The following UGT1A8 variants were observed in gnomAD, a reference collection of about 807,000 sequenced individuals.
UGT1A8 encodes UDP-glucuronosyltransferase 1A8.
Under a neutral mutation model 45.3 loss-of-function variants are expected in UGT1A8, and 39 were observed. That is an observed-to-expected ratio of 0.86 (90% CI 0.67 to 1.12). The LOEUF (loss-of-function observed/expected upper bound fraction) is 1.12. Among genes scored for constraint, UGT1A8 ranks in the 50% most tolerant of loss-of-function variants. The pLI is 0.00. For missense variants in UGT1A8, 719 were observed against 664.9 expected (o/e 1.08, Z -0.90); for synonymous variants, 275 against 249.2 (o/e 1.10, Z -0.97).
intron 1 of UGT1A8, among the ~76,000 whole-genome samples, chr2:233,733,322 C>A (rs1174900134): frequency 6.6e-6 from 1 of 152,146 alleles, no homozygotes; most frequent in African/African-American, 2.4e-5. Context: ...CCTGATTGCC[C>A]TGGCCAGAAC....
chr2:233,679,713 CA>C (rs1158480867), intron 1 of UGT1A8, among the ~76,000 whole-genome samples: 1 of 152,142 alleles, frequency 6.6e-6, no homozygotes, highest in African/African-American at 2.4e-5. Flanking sequence ...GTTATCTGGA[CA>C]ATTTTAAAGC....
Position 233,663,292 on chromosome 2 carries a change from T to C in UGT1A8, c.855+44730T>C, listed in dbSNP as rs28970001. Reference sequence around the variant, plus strand: ...TGGTAGACCGGAGTTTTATTATTACTCAAATCAGTCTCCCCAAGCAATTTG... The same window carrying C: ...TGGTAGACCGGAGTTTTATTATTACCCAAATCAGTCTCCCCAAGCAATTTG... On this transcript the variant is annotated intron_variant, in intron 1 of 4. Coordinates refer to ENST00000373450, the MANE Select transcript of UGT1A8 (RefSeq NM_019076.5). 2.8e-3 allele frequency among the ~76,000 whole-genome samples: 426 copies of C among 152,352 alleles called. 3 individuals are homozygous for C. The highest frequency in any genetic ancestry group is 9.7e-3 in the African/African-American group (403 of 41,572).
chr2:233,709,412 A>G (rs2076075448), intron 1 of UGT1A8, among the ~76,000 whole-genome samples: 1 of 152,214 alleles, frequency 6.6e-6, no homozygotes, highest in African/African-American at 2.4e-5. Flanking sequence ...TGAACACTCA[A>G]TAAGAATGTC....
chr2:233,762,168 C>A (rs986737504), intron 1 of UGT1A8, among the ~76,000 whole-genome samples: 2 of 152,090 alleles, frequency 1.3e-5, no homozygotes, highest in African/African-American at 2.4e-5. Flanking sequence ...CCACTGTATG[C>A]GGCGTCCTCA....
At chr2:233,620,527 GA>G (rs1037786300) in intron 1 of UGT1A8, among the ~76,000 whole-genome samples, 1 of 152,146 alleles carries the variant, frequency 6.6e-6, no homozygotes, top group African/African-American at 2.4e-5. Context: ...ATAAAAAAAG[GA>G]AACATTAAAC....
At chr2:233,665,306 C>CT (rs1337885040) in intron 1 of UGT1A8, among the ~76,000 whole-genome samples, 1 of 152,132 alleles carries the variant, frequency 6.6e-6, no homozygotes, top group African/African-American at 2.4e-5. Context: ...CCAAATTTGT[C>CT]TTTTTGCACA....
intron 1 of UGT1A8, among the ~76,000 whole-genome samples, chr2:233,639,788 G>A (rs993454135): frequency 6.6e-6 from 1 of 152,138 alleles, no homozygotes; most frequent in South Asian, 2.1e-4. Context: ...GGATTTGGAG[G>A]GGACAAACTT....
intron 1 of UGT1A8, among the ~76,000 whole-genome samples, chr2:233,725,596 A>G (rs1198733285): frequency 6.6e-6 from 1 of 152,166 alleles, no homozygotes; most frequent in East Asian, 1.9e-4. Context: ...ACTATTTGAC[A>G]TAGTTTTTTC....
chr2:233,645,955 G>T (rs1445872890), intron 1 of UGT1A8, among the ~76,000 whole-genome samples: 5 of 152,248 alleles, frequency 3.3e-5, no homozygotes, highest in African/African-American at 1.2e-4. Flanking sequence ...TTCTAGCAGA[G>T]GTTCTCTGTG....
At chr2:233,622,741 T>C (rs535451931) in intron 1 of UGT1A8, among the ~76,000 whole-genome samples, 9 of 152,340 alleles carry the variant, frequency 5.9e-5, no homozygotes, top group Middle Eastern at 3.4e-3. Flanking sequence ...TTAGATCCCA[T>C]TTGTCAATTT....
At position 233,637,108 on chromosome 2, in the gene UGT1A8, G is replaced by C; in HGVS notation, c.855+18546G>C. The C allele has an allele frequency of 6.2e-6, 10 of 1,613,878 alleles. No individual in the cohort carries two copies. The highest frequency in any genetic ancestry group is 8.5e-6 in the Non-Finnish European group (10 of 1,179,854). ...TTCCTATGTCCCCAATGATCTCTTA[G>C]GGTTCTCAGATGCCATGACTTTCAA... On this transcript the variant is annotated intron_variant, in intron 1 of 4. Coordinates refer to ENST00000373450, the MANE Select transcript of UGT1A8 (RefSeq NM_019076.5).
rs2072942081 is a variant in UGT1A8 at position 233,618,370 on chromosome 2, G to C, written c.663G>C (p.Gln221His). Residue 221 changes from glutamine to histidine, a missense_variant, in exon 1 of 5, where the codon CAG (glutamine) becomes CAC (histidine). Gln to His is a conservative substitution (Grantham distance 24, BLOSUM62 0). Transcript: ENST00000373450. Reference sequence around the variant, plus strand: ...ACTTGGAGGAACATTTATTTTGCCAGTATTTTTCCAAAAATGCCCTAGAAA... The same window carrying C: ...ACTTGGAGGAACATTTATTTTGCCACTATTTTTCCAAAAATGCCCTAGAAA... ...IMHLEEHLFC[Q>H]YFSKNALEIA... is the part of the protein sequence containing the mutation. The C allele has an allele frequency of 1.9e-6, 3 of 1,613,868 alleles. No individual in the cohort carries two copies. The highest frequency in any genetic ancestry group is 2.5e-6 in the Non-Finnish European group (3 of 1,179,842).
chr2:233,766,611 C>T (rs972496643), intron 1 of UGT1A8, among the ~76,000 whole-genome samples: 4 of 152,176 alleles, frequency 2.6e-5, no homozygotes, highest in African/African-American at 4.8e-5. Flanking sequence ...ACACCCTCTT[C>T]TACCCAGCAC....
At chr2:233,760,155 C>A (rs2125979369) in intron 1 of UGT1A8, 1 of 1,487,916 alleles carries the variant, frequency 6.7e-7, no homozygotes, top group South Asian at 1.3e-5. Flanking sequence ...GAACTCCCTG[C>A]TACCTTTGTG....
chr2:233,666,751 A>G (rs1300036353), intron 1 of UGT1A8, among the ~76,000 whole-genome samples: 1 of 151,610 alleles, frequency 6.6e-6, no homozygotes, highest in Admixed American at 6.6e-5. Flanking sequence ...TGCACCCATT[A>G]ACTCGTCATT....
chr2:233,719,807 T>C, intron 1 of UGT1A8: 1 of 1,593,892 alleles, frequency 6.3e-7, no homozygotes, highest in Non-Finnish European at 8.5e-7. Context: ...TTGGCTTCTT[T>C]ATAACAGATA....
At chr2:233,687,261 A>G (rs2074829580) in intron 1 of UGT1A8, among the ~76,000 whole-genome samples, 2 of 152,180 alleles carry the variant, frequency 1.3e-5, no homozygotes, top group Admixed American at 6.5e-5. Flanking sequence ...GATCTTAACC[A>G]TGCATTCAGA....
At chr2:233,751,729 C>G (rs1442411823) in intron 1 of UGT1A8, among the ~76,000 whole-genome samples, 1 of 152,154 alleles carries the variant, frequency 6.6e-6, no homozygotes, top group South Asian at 2.1e-4. Flanking sequence ...TGAACTCTTC[C>G]TCTCTGTTTC....
intron 1 of UGT1A8, chr2:233,730,029 G>A: frequency 6.2e-7 from 1 of 1,613,388 alleles, no homozygotes. Context: ...CAATGTTCCA[G>A]GCAAAACACT....
Sources: gnomAD v4.1 joint callset for allele counts (sites outside exome capture counted in the v4.1 genomes callset) on GRCh38, gnomAD v4.1.1 for gene constraint, MANE v1.5 for transcripts, NCBI Gene and HGNC (gene_info 2026-07-23, HGNC 2026-07-21) for gene names.